The following FGGY variants were observed in gnomAD, a reference collection of about 807,000 sequenced individuals.
The protein encoded by FGGY is FGGY carbohydrate kinase domain-containing protein.
FGGY carries 72 observed loss-of-function variants against 71.3 expected under a neutral mutation model. The ratio of observed to expected loss-of-function variants is 1.01; its 90% CI spans 0.84 to 1.23. The LOEUF (loss-of-function observed/expected upper bound fraction) is 1.23, where lower values mean the gene tolerates loss of function less well. Ranked by LOEUF, FGGY falls within the 50% of genes most tolerant of loss-of-function variation. The pLI is 0.00. For missense variants in FGGY, 668 were observed against 682.3 expected, an observed-to-expected ratio of 0.98 and a Z score of 0.23; for synonymous variants, 251 against 250.3, an observed-to-expected ratio of 1.00 and a Z score of -0.02.
At chr1:59,402,230 G>T (rs2062064825) in intron 5 of FGGY, among the ~76,000 whole-genome samples, 1 of 152,138 alleles carries the variant, frequency 6.6e-6, no homozygotes, top group African/African-American at 2.4e-5. Flanking sequence ...AGTGTGGAGT[G>T]GACAGAGCAC....
intron 4 of FGGY, among the ~76,000 whole-genome samples, chr1:59,346,940 A>G (rs907141260): frequency 7.0e-6 from 1 of 143,872 alleles, no homozygotes; most frequent in Non-Finnish European, 1.5e-5. Flanking sequence ...GCCATCCAAA[A>G]TCAATTCTTT....
Position 59,535,868 on chromosome 1 carries a change from C to T in FGGY, c.800-18256C>T, listed in dbSNP as rs868458621. Among the ~76,000 whole-genome samples the T allele has an allele frequency of 1.6e-3, 232 of 147,480 alleles. 3 individuals are homozygous for T. The Middle Eastern group carries it at 0.041, about 26-fold the overall frequency. Reference sequence around the variant, plus strand: ...GGAAATTTATAGCACTAAATGCCCACAAGAGAAAGCAGGAAAGATCCAAAA... The same window carrying T: ...GGAAATTTATAGCACTAAATGCCCATAAGAGAAAGCAGGAAAGATCCAAAA... On this transcript the variant is annotated intron_variant, in intron 7 of 15. Coordinates refer to ENST00000303721, the MANE Select transcript of FGGY (RefSeq NM_018291.5).
intron 7 of FGGY, among the ~76,000 whole-genome samples, chr1:59,546,799 C>A (rs1295139712): frequency 6.6e-6 from 1 of 151,888 alleles, no homozygotes; most frequent in Non-Finnish European, 1.5e-5. Context: ...CCCTCCTTGG[C>A]CTCCCAAAGT....
At chr1:59,302,460 C>A (rs1052338249) in intron 1 of FGGY, among the ~76,000 whole-genome samples, 1 of 152,030 alleles carries the variant, frequency 6.6e-6, no homozygotes, top group African/African-American at 2.4e-5. Flanking sequence ...ACATATGCAC[C>A]ATGGAATACT....
intron 8 of FGGY, among the ~76,000 whole-genome samples, chr1:59,558,294 C>A (rs1230438285): frequency 6.6e-6 from 1 of 152,144 alleles, no homozygotes; most frequent in Non-Finnish European, 1.5e-5. Flanking sequence ...TCAGTATGAA[C>A]TCATATTGGG....
At chr1:59,377,965 G>A (rs918310904) in intron 4 of FGGY, among the ~76,000 whole-genome samples, 7 of 152,110 alleles carry the variant, frequency 4.6e-5, no homozygotes, top group Non-Finnish European at 1.0e-4. Flanking sequence ...TTGAGGGCAG[G>A]GACTATCATC....
intron 8 of FGGY, among the ~76,000 whole-genome samples, chr1:59,592,696 A>G (rs546364690): frequency 6.6e-5 from 10 of 151,614 alleles, no homozygotes; most frequent in African/African-American, 2.4e-4. Flanking sequence ...CAAAAGACCA[A>G]ACACCGCATA....
chr1:59,577,026 T>A (rs2096092384), intron 8 of FGGY, among the ~76,000 whole-genome samples: 1 of 152,220 alleles, frequency 6.6e-6, no homozygotes, highest in Non-Finnish European at 1.5e-5. Context: ...AATATCTGTT[T>A]CATTCTCAAA....
intron 14 of FGGY, among the ~76,000 whole-genome samples, chr1:59,726,686 T>C (rs1181617483): frequency 6.6e-6 from 1 of 152,176 alleles, no homozygotes; most frequent in Non-Finnish European, 1.5e-5. Flanking sequence ...GTCCATTTCA[T>C]CTAAATTATT....
At chr1:59,375,751 C>T (rs181050113) in intron 4 of FGGY, among the ~76,000 whole-genome samples, 183 of 152,228 alleles carry the variant, frequency 1.2e-3, no homozygotes, top group African/African-American at 4.3e-3. Context: ...CTCTTTTTGG[C>T]AAAAGGCTTG....
chr1:59,554,595 C>T (rs990890891), intron 8 of FGGY, among the ~76,000 whole-genome samples: 6 of 152,094 alleles, frequency 3.9e-5, no homozygotes, highest in Admixed American at 3.9e-4. Context: ...TGTCTGTTTT[C>T]CTTGGCCAGG....
chr1:59,441,458 C>T (rs2069862172), intron 5 of FGGY, among the ~76,000 whole-genome samples: 1 of 152,194 alleles, frequency 6.6e-6, no homozygotes, highest in Admixed American at 6.5e-5. Flanking sequence ...ATCAAATTAG[C>T]TGACAACCCA....
intron 5 of FGGY, among the ~76,000 whole-genome samples, chr1:59,388,150 G>C (rs2060289576): frequency 6.6e-6 from 1 of 151,926 alleles, no homozygotes; most frequent in Non-Finnish European, 1.5e-5. Flanking sequence ...CATAGGAGTT[G>C]GGGCAGGAAG....
At chr1:59,376,427 T>A (rs1210787809) in intron 4 of FGGY, among the ~76,000 whole-genome samples, 1 of 152,204 alleles carries the variant, frequency 6.6e-6, no homozygotes, top group African/African-American at 2.4e-5. Context: ...ACCGTTTATC[T>A]GCTGTAAATA....
chr1:59,509,741 G>A (rs1570428704), intron 6 of FGGY, among the ~76,000 whole-genome samples: 1 of 152,172 alleles, frequency 6.6e-6, no homozygotes, highest in African/African-American at 2.4e-5. Context: ...GACTCTCTCT[G>A]CCTCGCAGTG....
intron 6 of FGGY, among the ~76,000 whole-genome samples, chr1:59,473,299 C>G (rs189355039): frequency 2.6e-5 from 4 of 151,810 alleles, no homozygotes; most frequent in African/African-American, 9.7e-5. Context: ...ACACTCACCG[C>G]GAAGGTCCGC....
intron 2 of FGGY, among the ~76,000 whole-genome samples, chr1:59,332,521 T>G (rs1423579785): frequency 6.6e-6 from 1 of 152,186 alleles, no homozygotes; most frequent in Non-Finnish European, 1.5e-5. Context: ...CAGCTGTGGA[T>G]GAGCATGATC....
chr1:59,454,144 A>G (rs1006326790), intron 5 of FGGY, among the ~76,000 whole-genome samples: 15 of 152,142 alleles, frequency 9.9e-5, no homozygotes, highest in Non-Finnish European at 1.5e-4. Context: ...TGAAAGGAGT[A>G]ATAATCCATT....
rs560306179 is a variant in FGGY at position 59,600,326 on chromosome 1, C to T, written c.904-7477C>T. Among the ~76,000 whole-genome samples the T allele has an allele frequency of 3.9e-5, 6 of 152,276 alleles. No individual in the cohort carries two copies. In the South Asian group the frequency reaches 6.2e-4, roughly 16 times the overall value. ...TACTTCTGACATGTCAAAAATATAA[C>T]GTGCCATCCTTCATCCCAGAGCTAC... On this transcript the variant is annotated intron_variant, in intron 8 of 15. Transcript: ENST00000303721.
Sources: gnomAD v4.1 joint callset for allele counts (sites outside exome capture counted in the v4.1 genomes callset) on GRCh38, gnomAD v4.1.1 for gene constraint, MANE v1.5 for transcripts, NCBI Gene and HGNC (gene_info 2026-07-23, HGNC 2026-07-21) for gene names.